KCNIP4: variants seen among roughly 807,000 people sequenced by gnomAD.
KCNIP4 encodes the protein potassium voltage-gated channel interacting protein 4, also known as Kv channel-interacting protein 4.
KCNIP4 carries 12 observed loss-of-function variants against 34.0 expected under a neutral mutation model. The ratio of observed to expected loss-of-function variants is 0.35; its 90% CI spans 0.23 to 0.57. The LOEUF (loss-of-function observed/expected upper bound fraction) is 0.57. Among genes scored for constraint, KCNIP4 ranks in the 20% least tolerant of loss-of-function variants. The pLI, the probability that KCNIP4 is intolerant of heterozygous loss-of-function variation, is 0.83. For missense variants in KCNIP4, 238 were observed against 311.7 expected, an observed-to-expected ratio of 0.76 and a Z score of 1.78; for synonymous variants, 124 against 102.2, an observed-to-expected ratio of 1.21 and a Z score of -1.29.
intron 1 of KCNIP4, among the ~76,000 whole-genome samples, chr4:21,482,652 T>C (rs888906244): frequency 2.0e-5 from 3 of 152,216 alleles, no homozygotes; most frequent in African/African-American, 7.2e-5. Context: ...CACTCTCTTC[T>C]GGCTTGTAGA....
chr4:21,496,205 AG>A (rs1285606778), intron 1 of KCNIP4, among the ~76,000 whole-genome samples: 1 of 152,186 alleles, frequency 6.6e-6, no homozygotes, highest in Non-Finnish European at 1.5e-5. Context: ...GGTGATTGAG[AG>A]TGAGACTACA....
intron 1 of KCNIP4, among the ~76,000 whole-genome samples, chr4:21,028,175 C>A (rs80322654): frequency 0.027 from 4,076 of 152,206 alleles, 111 homozygotes; most frequent in Non-Finnish European, 0.039. Flanking sequence ...CCCCTCCCCC[C>A]CAATTGTCAC....
chr4:21,263,983 G>C (rs781384557), intron 1 of KCNIP4, among the ~76,000 whole-genome samples: 1 of 151,956 alleles, frequency 6.6e-6, no homozygotes, highest in Admixed American at 6.6e-5. Context: ...GTGTGTGTGT[G>C]TGTGTGTGTA....
At chr4:21,859,072 A>G (rs551434646) in intron 1 of KCNIP4, among the ~76,000 whole-genome samples, 334 of 152,332 alleles carry the variant, frequency 2.2e-3, no homozygotes, top group African/African-American at 7.8e-3. Context: ...CTCTTAGATA[A>G]GGGAATTTTA....
chr4:21,589,950 G>A (rs1742060725), intron 1 of KCNIP4, among the ~76,000 whole-genome samples: 1 of 151,938 alleles, frequency 6.6e-6, no homozygotes, highest in Non-Finnish European at 1.5e-5. Context: ...TCATGGTTTG[G>A]TTTAGTGATG....
chr4:21,837,292 G>T, intron 1 of KCNIP4, among the ~76,000 whole-genome samples: 1 of 150,392 alleles, frequency 6.6e-6, no homozygotes, highest in African/African-American at 2.4e-5. Context: ...CCAGCACTTT[G>T]GGGGGCCAAG....
intron 1 of KCNIP4, among the ~76,000 whole-genome samples, chr4:21,744,720 T>G (rs1716657904): frequency 2.6e-5 from 4 of 152,136 alleles, no homozygotes; most frequent in Admixed American, 2.6e-4. Flanking sequence ...ATTCCCAAAC[T>G]GCAGGACAGT....
chr4:21,816,543 A>G (rs1231950232), intron 1 of KCNIP4, among the ~76,000 whole-genome samples: 2 of 152,114 alleles, frequency 1.3e-5, no homozygotes, highest in Non-Finnish European at 2.9e-5. Context: ...TCAGTTGTTC[A>G]CGTCTCCATT....
intron 1 of KCNIP4, among the ~76,000 whole-genome samples, chr4:21,528,727 GAAA>G (rs1560489429): frequency 0.034 from 67 of 1,986 alleles, 3 homozygotes; most frequent in Admixed American, 0.086. Flanking sequence ...AAGAAAGAAA[GAAA>G]GAAAGAAAGA....
In KCNIP4 at chr4:20,915,791, A is replaced by C. The variant is rs111671348; in HGVS notation, c.62-33082T>G. Among the ~76,000 whole-genome samples, 9 of 152,316 alleles carry C rather than the reference A, an allele frequency of 5.9e-5. No homozygotes were observed. The South Asian group carries it at 1.9e-3, about 32-fold the overall frequency. The stretch of plus-strand genomic sequence containing the variant: ...AGATACAATATTTGGAATATTTGAC[A>C]ACATCACTCTAATTTTATCTTCTTT... On this transcript the variant is annotated intron_variant, in intron 1 of 8. Coordinates refer to ENST00000382152, the MANE Select transcript of KCNIP4 (RefSeq NM_025221.6).
In KCNIP4 at chr4:21,798,404, C is replaced by CATATATATATATATATATATAT. The variant is rs112991875; in HGVS notation, c.61+150145_61+150166dup. 2.1e-3 allele frequency among the ~76,000 whole-genome samples: 275 copies of CATATATATATATATATATATAT among 129,614 alleles called. 1 individual carries two copies. Among genetic ancestry groups the CATATATATATATATATATATAT allele is most frequent in the East Asian group, 0.019 (81 of 4,350 alleles). The allele number at this position is 129,614 out of a possible 152,430, so 85.0% of individuals were successfully genotyped here. On this transcript the variant is annotated intron_variant, in intron 1 of 8. Coordinates refer to ENST00000382152, the MANE Select transcript of KCNIP4 (RefSeq NM_025221.6). ...CCGTTTCCACACACACAAAAAAATACATATATATATATATATATATATTTG... is the reference window on the plus strand; with the variant it reads ...CCGTTTCCACACACACAAAAAAATACATATATATATATATATATATATATATATATATATATATATATATTTG...
chr4:21,364,100 T>A (rs1719489072), intron 1 of KCNIP4, among the ~76,000 whole-genome samples: 1 of 152,186 alleles, frequency 6.6e-6, no homozygotes, highest in Non-Finnish European at 1.5e-5. Context: ...TCTTTTACAA[T>A]TCTCATTGTT....
intron 3 of KCNIP4, among the ~76,000 whole-genome samples, chr4:20,804,638 C>T (rs556030637): frequency 1.3e-5 from 2 of 152,134 alleles, no homozygotes; most frequent in East Asian, 3.9e-4. Context: ...AAGAAAGCAC[C>T]TTTTGTTATA....
chr4:21,114,827 T>C (rs1245881021), intron 1 of KCNIP4, among the ~76,000 whole-genome samples: 3 of 152,184 alleles, frequency 2.0e-5, no homozygotes, highest in African/African-American at 4.8e-5. Context: ...GAGACATGAC[T>C]TGAACCCAAA....
At chr4:21,920,540 C>G (rs116369171) in intron 1 of KCNIP4, among the ~76,000 whole-genome samples, 67 of 152,186 alleles carry the variant, frequency 4.4e-4, no homozygotes, top group African/African-American at 1.3e-3. Context: ...GTGAAGAGCA[C>G]ACTGAAGTCT....
intron 1 of KCNIP4, among the ~76,000 whole-genome samples, chr4:21,078,609 A>C (rs545904412): frequency 2.7e-4 from 41 of 152,110 alleles, no homozygotes; most frequent in African/African-American, 9.2e-4. Context: ...TTAACATATA[A>C]ATTTTGGGAA....
chr4:20,840,505 G>C (rs1186688646), intron 3 of KCNIP4, among the ~76,000 whole-genome samples: 1 of 152,058 alleles, frequency 6.6e-6, no homozygotes, highest in African/African-American at 2.4e-5. Context: ...GCTCTGATGG[G>C]TGGAATGTCT....
intron 1 of KCNIP4, among the ~76,000 whole-genome samples, chr4:21,177,678 C>G (rs1301267331): frequency 1.3e-5 from 2 of 149,358 alleles, no homozygotes; most frequent in Admixed American, 1.3e-4. Context: ...AAAAAACAAA[C>G]AAACAAAAAC....
Position 21,128,283 on chromosome 4 carries a change from A to G in KCNIP4, c.62-245574T>C, listed in dbSNP as rs181140645. Among the ~76,000 whole-genome samples, 113 of 152,336 alleles carry G rather than the reference A, an allele frequency of 7.4e-4. 1 individual carries two copies. The highest frequency in any genetic ancestry group is 2.5e-3 in the African/African-American group (106 of 41,590). Reference sequence around the variant, plus strand: ...CATGGAATTAAGAGAGCAGAATCCCATGGCATTCAAGACTGTTTTCCCCCT... The same window carrying G: ...CATGGAATTAAGAGAGCAGAATCCCGTGGCATTCAAGACTGTTTTCCCCCT... On this transcript the variant is annotated intron_variant, in intron 1 of 8. Coordinates refer to ENST00000382152, the MANE Select transcript of KCNIP4 (RefSeq NM_025221.6).
Sources: allele counts gnomAD v4.1 joint callset (sites outside exome capture counted in the v4.1 genomes callset), GRCh38; gene constraint gnomAD v4.1.1; transcripts MANE v1.5; gene names NCBI Gene and HGNC (gene_info 2026-07-23, HGNC 2026-07-21).